Variants in AGBL4 observed in about 807,000 individuals in gnomAD.
AGBL4 encodes AGBL carboxypeptidase 4, also known as cytosolic carboxypeptidase 6.
A neutral mutation model predicts 66.4 loss-of-function variants in AGBL4; 58 were observed. The ratio of observed to expected loss-of-function variants is 0.87; its 90% CI spans 0.71 to 1.09. The LOEUF is 1.09. AGBL4 is among the 50% of genes least tolerant of loss of function. The pLI is 0.00. For missense variants in AGBL4, 579 were observed against 631.0 expected, an observed-to-expected ratio of 0.92 and a Z score of 0.88; for synonymous variants, 234 against 222.9, an observed-to-expected ratio of 1.05 and a Z score of -0.44.
chr1:49,006,394 T>C (rs532736496), intron 5 of AGBL4, among the ~76,000 whole-genome samples: 2 of 152,236 alleles, frequency 1.3e-5, no homozygotes, highest in East Asian at 3.9e-4. Flanking sequence ...GGAGTCTTGC[T>C]GATTGCTAGC....
intron 4 of AGBL4, among the ~76,000 whole-genome samples, chr1:49,207,652 C>G (rs904231664): frequency 7.4e-5 from 11 of 148,490 alleles, no homozygotes; most frequent in Non-Finnish European, 1.5e-4. Context: ...GGAGTACATA[C>G]TTGATCACAG....
chr1:48,666,750 G>A (rs572570750), intron 6 of AGBL4, among the ~76,000 whole-genome samples: 1 of 152,206 alleles, frequency 6.6e-6, no homozygotes, highest in South Asian at 2.1e-4. Flanking sequence ...CCTGACTCCA[G>A]AAACTGTGTT....
In AGBL4 at chr1:49,263,264, C is replaced by A. The variant is rs571820063; in HGVS notation, c.283-17400G>T. On this transcript the variant is annotated intron_variant, in intron 3 of 13. Transcript: ENST00000371839. The stretch of plus-strand genomic sequence containing the variant: ...GGCACATGTATACATATGTAACTAA[C>A]CTGCACATTGTGCACATGTACCCTA... Among the ~76,000 whole-genome samples, 65 of 151,468 alleles carry A rather than the reference C, an allele frequency of 4.3e-4. No individual in the cohort carries two copies. The South Asian group carries it at 0.013, about 31-fold the overall frequency.
intron 3 of AGBL4, among the ~76,000 whole-genome samples, chr1:49,370,881 C>A (rs890197548): frequency 6.6e-6 from 1 of 152,166 alleles, no homozygotes; most frequent in South Asian, 2.1e-4. Flanking sequence ...ATGAGGTTAA[C>A]ATTTAAGTCA....
At chr1:48,933,432 T>G (rs1655196329) in intron 5 of AGBL4, among the ~76,000 whole-genome samples, 1 of 152,296 alleles carries the variant, frequency 6.6e-6, no homozygotes, top group East Asian at 1.9e-4. Flanking sequence ...GTCAGACAGC[T>G]GACTTTTATT....
chr1:49,683,256 C>A (rs547092985), intron 3 of AGBL4, among the ~76,000 whole-genome samples: 1 of 152,256 alleles, frequency 6.6e-6, no homozygotes, highest in Admixed American at 6.5e-5. Flanking sequence ...AAAGCGGAGT[C>A]TTGATGTCCA....
At chr1:49,349,008 C>G (rs551138916) in intron 3 of AGBL4, among the ~76,000 whole-genome samples, 70 of 152,320 alleles carry the variant, frequency 4.6e-4, no homozygotes, top group African/African-American at 1.2e-3. Context: ...GGTCTCATCT[C>G]TATTAATTCC....
chr1:48,539,587 G>A, intron 12 of AGBL4, 55 bp downstream of exon 12: 2 of 1,379,562 alleles, frequency 1.4e-6, no homozygotes, highest in Non-Finnish European at 1.9e-6. Context: ...AGTTGCCCCT[G>A]AATACAGCCC....
chr1:49,527,173 G>T (rs1188984526), intron 3 of AGBL4: 1 of 151,914 alleles, frequency 6.6e-6, no homozygotes, highest in South Asian at 2.1e-4. Context: ...CAGTTTTTTT[G>T]GTCTTTAAAA....
At chr1:49,739,030 C>T (rs1490958547) in intron 2 of AGBL4, among the ~76,000 whole-genome samples, 1 of 152,160 alleles carries the variant, frequency 6.6e-6, no homozygotes, top group Admixed American at 6.5e-5. Context: ...AGTTCCTCAC[C>T]AACAATGGAA....
downstream of AGBL4, among the ~76,000 whole-genome samples, chr1:48,529,573 T>C (rs868323364): frequency 6.6e-6 from 1 of 152,072 alleles, no homozygotes; most frequent in Non-Finnish European, 1.5e-5. Flanking sequence ...TTACGTTATG[T>C]CTCCCCTCTG....
chr1:49,696,098 G>C (rs1266189313), intron 3 of AGBL4, among the ~76,000 whole-genome samples: 4 of 152,056 alleles, frequency 2.6e-5, no homozygotes, highest in Non-Finnish European at 5.9e-5. Flanking sequence ...AAATATACTA[G>C]CAAAAGACAA....
intron 6 of AGBL4, among the ~76,000 whole-genome samples, chr1:48,768,813 A>G (rs1283485587): frequency 6.6e-6 from 1 of 152,226 alleles, no homozygotes; most frequent in East Asian, 1.9e-4. Context: ...CTATACAAAA[A>G]TCCTGTGCAG....
chr1:48,935,693 C>T (rs913719718), intron 5 of AGBL4, among the ~76,000 whole-genome samples: 2 of 151,698 alleles, frequency 1.3e-5, no homozygotes, highest in African/African-American at 2.4e-5. Flanking sequence ...TGTGGTGGCT[C>T]ACACCTGTAA....
Position 49,596,762 on chromosome 1 carries a change from G to T in AGBL4, c.282+100551C>A, listed in dbSNP as rs1484948088. On this transcript the variant is annotated intron_variant, in intron 3 of 13. Transcript: ENST00000371839. Reference sequence around the variant, plus strand: ...ATGTTCAGGTAAATAGGGTATCAATGATCACATTTTGGAAAGACTGGATGA... The same window carrying T: ...ATGTTCAGGTAAATAGGGTATCAATTATCACATTTTGGAAAGACTGGATGA... 2.6e-5 allele frequency among the ~76,000 whole-genome samples: 4 copies of T among 152,160 alleles called. No homozygotes were observed. The East Asian group carries it at 7.7e-4, about 29-fold the overall frequency.
intron 1 of AGBL4, among the ~76,000 whole-genome samples, chr1:49,906,215 A>G (rs1210658927): frequency 6.6e-6 from 1 of 151,808 alleles, no homozygotes; most frequent in East Asian, 1.9e-4. Context: ...CAAACTATTT[A>G]GGAAATAGTA....
At position 49,487,418 on chromosome 1, in the gene AGBL4, C is replaced by CA. The variant is rs542786232; in HGVS notation, c.282+209894dup. 1.9e-3 allele frequency among the ~76,000 whole-genome samples: 283 copies of CA among 152,020 alleles called. 2 individuals carry two copies. Among genetic ancestry groups the CA allele is most frequent in the African/African-American group, 6.5e-3 (268 of 41,516 alleles). On this transcript the variant is annotated intron_variant, in intron 3 of 13. Coordinates refer to ENST00000371839, the MANE Select transcript of AGBL4 (RefSeq NM_032785.4). ...TCTCATAATCCCCACATGTCAAGAACAGGAACAGGTGGAGGTAATTGAATC... is the reference window on the plus strand; with the variant it reads ...TCTCATAATCCCCACATGTCAAGAACAAGGAACAGGTGGAGGTAATTGAATC...
At chr1:48,831,995 C>T (rs1646562955) in intron 6 of AGBL4, among the ~76,000 whole-genome samples, 1 of 152,140 alleles carries the variant, frequency 6.6e-6, no homozygotes, top group Admixed American at 6.6e-5. Context: ...GAATCATTAT[C>T]CCAGTTGATC....
At chr1:49,544,823 C>T (rs1196226353) in intron 3 of AGBL4, among the ~76,000 whole-genome samples, 2 of 152,180 alleles carry the variant, frequency 1.3e-5, no homozygotes, top group South Asian at 4.1e-4. Context: ...TGCAGTTAAA[C>T]TCCCTAACTT....
Sources: allele counts gnomAD v4.1 joint callset (sites outside exome capture counted in the v4.1 genomes callset), GRCh38; gene constraint gnomAD v4.1.1; transcripts MANE v1.5; gene names NCBI Gene and HGNC (gene_info 2026-07-23, HGNC 2026-07-21).